Variants in FRAS1 observed in about 807,000 individuals in gnomAD.
FRAS1 encodes the protein Fraser extracellular matrix complex subunit 1.
A neutral mutation model predicts 435.2 loss-of-function variants in FRAS1; 290 were observed. The observed-to-expected ratio is 0.67, with a 90% CI of 0.61 to 0.73. FRAS1 has a LOEUF of 0.73. FRAS1 is among the 30% of genes least tolerant of loss of function. The pLI is 0.00. For synonymous variants in FRAS1, 1,800 were observed against 1,851.0 expected, an observed-to-expected ratio of 0.97 and a Z score of 0.71; for missense variants, 4,860 against 5,001.5, an observed-to-expected ratio of 0.97 and a Z score of 0.85.
chr4:78,293,466 G>A (rs1727996731), intron 14 of FRAS1, among the ~76,000 whole-genome samples: 1 of 152,142 alleles, frequency 6.6e-6, no homozygotes, highest in African/African-American at 2.4e-5. Flanking sequence ...GCAATTTCTG[G>A]CTAGTGGTGG....
chr4:78,266,069 A>G (rs1726338440), intron 7 of FRAS1, among the ~76,000 whole-genome samples: 1 of 152,224 alleles, frequency 6.6e-6, no homozygotes, highest in African/African-American at 2.4e-5. Context: ...GGCATCTTCA[A>G]CTACAAGGAA....
intron 37 of FRAS1, among the ~76,000 whole-genome samples, chr4:78,431,448 C>T (rs1734217927): frequency 6.6e-6 from 1 of 152,098 alleles, no homozygotes; most frequent in African/African-American, 2.4e-5. Context: ...ATGCCACGAG[C>T]ACCAGTAAAA....
intron 2 of FRAS1, among the ~76,000 whole-genome samples, chr4:78,160,397 T>C (rs765164210): frequency 2.0e-5 from 3 of 152,214 alleles, no homozygotes; most frequent in Non-Finnish European, 4.4e-5. Flanking sequence ...GCAGACTTCA[T>C]AGGAAAATCC....
At chr4:78,058,439 G>A (rs2109835865) in intron 1 of FRAS1, among the ~76,000 whole-genome samples, 1 of 152,178 alleles carries the variant, frequency 6.6e-6, no homozygotes, top group East Asian at 1.9e-4. Context: ...CACAGGTGAG[G>A]AGCGAACAAT....
chr4:78,449,455 G>A (rs1206869718), intron 44 of FRAS1, among the ~76,000 whole-genome samples: 2 of 152,146 alleles, frequency 1.3e-5, no homozygotes, highest in Non-Finnish European at 2.9e-5. Flanking sequence ...CTAAGAACAT[G>A]TCACTCCAAA....
At chr4:78,147,758 T>A (rs978708754) in intron 2 of FRAS1, among the ~76,000 whole-genome samples, 1 of 152,192 alleles carries the variant, frequency 6.6e-6, no homozygotes, top group African/African-American at 2.4e-5. Context: ...GCAACTCTTG[T>A]CACTAGATGT....
chr4:78,301,110 G>C (rs1728371015), intron 14 of FRAS1, among the ~76,000 whole-genome samples: 1 of 152,196 alleles, frequency 6.6e-6, no homozygotes, highest in Admixed American at 6.5e-5. Context: ...TGCCTCCAAA[G>C]GGATGCCTAC....
intron 47 of FRAS1, among the ~76,000 whole-genome samples, chr4:78,456,147 T>TTCTTTTTC (rs200690163): frequency 6.2e-5 from 8 of 128,548 alleles, no homozygotes; most frequent in East Asian, 4.3e-4. Flanking sequence ...ACTTTTTTTT[T>TTCTTTTTC]TTTTTTTTTT....
intron 2 of FRAS1, among the ~76,000 whole-genome samples, chr4:78,152,107 T>C (rs967857097): frequency 3.9e-5 from 6 of 152,204 alleles, no homozygotes; most frequent in African/African-American, 1.4e-4. Context: ...CTATTCTGTG[T>C]CATGTCGTGC....
intron 2 of FRAS1, among the ~76,000 whole-genome samples, chr4:78,188,189 T>G (rs1044188646): frequency 1.5e-4 from 23 of 152,278 alleles, no homozygotes; most frequent in Admixed American, 6.5e-4. Context: ...TTACATAAAC[T>G]TGATTCCTTC....
chr4:78,288,355 G>A (rs1727716118), intron 14 of FRAS1, among the ~76,000 whole-genome samples: 1 of 152,084 alleles, frequency 6.6e-6, no homozygotes, highest in Non-Finnish European at 1.5e-5. Context: ...TTTCCCCTAG[G>A]TTTTACTCCT....
chr4:78,539,821 A>T (rs1362468673), intron 73 of FRAS1, among the ~76,000 whole-genome samples: 1 of 152,256 alleles, frequency 6.6e-6, no homozygotes, highest in Non-Finnish European at 1.5e-5. Flanking sequence ...AATTTAGAAT[A>T]GCAAGAATTA....
chr4:78,483,766 AACTCT>A (rs1183529355), intron 58 of FRAS1, among the ~76,000 whole-genome samples: 326 of 20,932 alleles, frequency 0.016, 14 homozygotes, highest in African/African-American at 0.03. Flanking sequence ...AGAAAAAAAA[AACTCT>A]CTCTCTCTCT....
chr4:78,444,687 G>A (rs747124545), intron 41 of FRAS1, among the ~76,000 whole-genome samples: 16 of 151,640 alleles, frequency 1.1e-4, no homozygotes, highest in African/African-American at 3.7e-4. Context: ...TAAAAAACAA[G>A]ACATCTATCA....
chr4:78,241,064 T>C (rs1724982776), intron 3 of FRAS1, among the ~76,000 whole-genome samples: 1 of 151,946 alleles, frequency 6.6e-6, no homozygotes, highest in Non-Finnish European at 1.5e-5. Flanking sequence ...GCGGAGACTG[T>C]ATTGCAGAGG....
In FRAS1 at chr4:78,475,529, G is replaced by A. The variant is rs368306704; in HGVS notation, c.7774G>A (p.Glu2592Lys). 15 of 1,613,648 alleles carry A rather than the reference G, an allele frequency of 9.3e-6. No homozygotes were observed. The highest frequency in any genetic ancestry group is 8.0e-5 in the African/African-American group (6 of 74,908). Residue 2592 changes from glutamate (E) to lysine (K), a missense_variant, in exon 54 of 74, where the codon GAG (glutamate) becomes AAG (lysine). Coordinates refer to ENST00000512123, the MANE Select transcript of FRAS1 (RefSeq NM_025074.7). The stretch of plus-strand genomic sequence containing the variant: ...ATATGCCATCGTCCTGTGTCGCACC[G>A]AGCAAGGCACCGCCAGCTCCAGCTC... ...NQYAIVLCRTEQGTASSSSRV... is the reference protein window; with the variant it reads ...NQYAIVLCRTKQGTASSSSRV...
intron 2 of FRAS1, among the ~76,000 whole-genome samples, chr4:78,081,162 A>G (rs1161437021): frequency 6.6e-6 from 1 of 152,124 alleles, no homozygotes; most frequent in African/African-American, 2.4e-5. Context: ...GCTAGACTGT[A>G]AAGGGCAACA....
intron 2 of FRAS1, among the ~76,000 whole-genome samples, chr4:78,111,605 G>A (rs1742698114): frequency 1.0e-5 from 1 of 100,470 alleles, no homozygotes; most frequent in Non-Finnish European, 2.0e-5. Context: ...ACTGTGGTGG[G>A]GTCGGGGGAG....
At chr4:78,290,785 G>T (rs1727857154) in intron 14 of FRAS1, among the ~76,000 whole-genome samples, 1 of 138,184 alleles carries the variant, frequency 7.2e-6, no homozygotes, top group Non-Finnish European at 1.5e-5. Context: ...TTGGTTCATG[G>T]TTTCTGTTAT....
Sources: gnomAD v4.1 joint callset for allele counts (sites outside exome capture counted in the v4.1 genomes callset) on GRCh38, gnomAD v4.1.1 for gene constraint, MANE v1.5 for transcripts, NCBI Gene and HGNC (gene_info 2026-07-23, HGNC 2026-07-21) for gene names.